Variants in GPAM observed in about 807,000 individuals in gnomAD.
The protein encoded by GPAM is glycerol-3-phosphate acyltransferase, mitochondrial.
A neutral mutation model predicts 105.0 loss-of-function variants in GPAM; 56 were observed. That is an observed-to-expected ratio of 0.53 (90% CI 0.43 to 0.67). GPAM has a LOEUF of 0.67. Among genes scored for constraint, GPAM ranks in the 30% least tolerant of loss-of-function variants. The pLI is 0.00. For missense variants in GPAM, 855 were observed against 989.8 expected (o/e 0.86, Z 1.83); for synonymous variants, 368 against 354.4 (o/e 1.04, Z -0.43).
intron 1 of GPAM, among the ~76,000 whole-genome samples, chr10:112,211,019 C>T (rs796222324): frequency 1.3e-4 from 20 of 152,312 alleles, no homozygotes; most frequent in African/African-American, 3.6e-4. Flanking sequence ...CCAGGCAGGA[C>T]GTGCAGGTGC....
chr10:112,160,162 T>C (rs1026936937), intron 16 of GPAM, 109 bp from the exon 17 acceptor site: 140 of 1,102,550 alleles, frequency 1.3e-4, no homozygotes, highest in Non-Finnish European at 1.8e-4. Flanking sequence ...AATAATGGCC[T>C]GTATTTGGAG....
the GPAM span, among the ~76,000 whole-genome samples, chr10:112,227,549 A>G: frequency 6.6e-6 from 1 of 152,182 alleles, no homozygotes; most frequent in East Asian, 1.9e-4. Flanking sequence ...AGCCAAGAAG[A>G]CGGCCCCTTG....
chr10:112,179,283 C>T (rs1847464005), intron 4 of GPAM, among the ~76,000 whole-genome samples: 1 of 152,126 alleles, frequency 6.6e-6, no homozygotes. Context: ...ATTACCACCA[C>T]CAAATTATTT....
At chr10:112,215,792 C>T (rs1271444089), upstream of GPAM, among the ~76,000 whole-genome samples, 1 of 152,176 alleles carries the variant, frequency 6.6e-6, no homozygotes, top group Non-Finnish European at 1.5e-5. Flanking sequence ...TATTTGACAC[C>T]AGATGTGCAG....
the GPAM span, among the ~76,000 whole-genome samples, chr10:112,226,440 T>C: frequency 1.3e-5 from 2 of 152,070 alleles, no homozygotes; most frequent in South Asian, 4.2e-4. Context: ...AGAAGAGACA[T>C]GGGCAAGGAT....
chr10:112,153,430 A>G lies in GPAM; in HGVS notation c.*120T>C. 1 of 1,594,746 alleles carries G rather than the reference A, an allele frequency of 6.3e-7. No individual in the cohort carries two copies. Among genetic ancestry groups the G allele is most frequent in the Non-Finnish European group, 8.5e-7 (1 of 1,174,828 alleles). ...GGAGAAGGCACTTGTCTTCCAGGAG[A>G]TCACTTCGGGACAGGGCAGGCCTGA... On this transcript the variant is annotated 3_prime_UTR_variant, in exon 22 of 22. Coordinates refer to ENST00000348367, the MANE Select transcript of GPAM (RefSeq NM_001244949.2).
chr10:112,155,879 T>C lies in GPAM; in HGVS notation c.2296A>G (p.Asn766Asp). The C allele has an allele frequency of 6.3e-7, 1 of 1,595,648 alleles. No individual in the cohort carries two copies. Among genetic ancestry groups the C allele is most frequent in the Non-Finnish European group, 8.6e-7 (1 of 1,163,596 alleles). ...CTTAACATACCATATACTGCAACATTTCTTTCTGTTCTGGTTATTAGGTAT... is the reference window on the plus strand; with the variant it reads ...CTTAACATACCATATACTGCAACATCTCTTTCTGTTCTGGTTATTAGGTAT... ...HKYLITRTER[N>D]VAVYAESATY... Residue 766 changes from asparagine (N) to aspartate (D), a missense_variant, in exon 20 of 22, where the codon AAT becomes GAT. Physicochemically the swap from Asn to Asp is conservative, Grantham distance 23. Coordinates refer to ENST00000348367, the MANE Select transcript of GPAM (RefSeq NM_001244949.2).
chr10:112,179,615 C>T (rs1323598693), intron 4 of GPAM, among the ~76,000 whole-genome samples: 1 of 152,140 alleles, frequency 6.6e-6, no homozygotes, highest in Non-Finnish European at 1.5e-5. Flanking sequence ...CCCTTTATAC[C>T]AGACTCAGAA....
chr10:112,161,525 G>A, intron 15 of GPAM, 142 bp downstream of exon 15: 2 of 697,666 alleles, frequency 2.9e-6, no homozygotes, highest in South Asian at 1.5e-5. Flanking sequence ...AGCTCCTTTG[G>A]GCAGGGTCCT....
upstream of GPAM, among the ~76,000 whole-genome samples, chr10:112,184,209 G>A (rs1049056171): frequency 3.3e-5 from 5 of 152,126 alleles, no homozygotes; most frequent in African/African-American, 1.2e-4. Flanking sequence ...CCTTTAAGGA[G>A]GAAAATGAGA....
At chr10:112,225,397 CTGAG>C in the GPAM span, among the ~76,000 whole-genome samples, 3 of 152,222 alleles carry the variant, frequency 2.0e-5, no homozygotes, top group African/African-American at 4.8e-5. Flanking sequence ...CTTCTGGGTA[CTGAG>C]TACCTAGTCT....
upstream of GPAM, among the ~76,000 whole-genome samples, chr10:112,219,254 G>T (rs541728186): frequency 1.3e-5 from 2 of 152,354 alleles, no homozygotes; most frequent in Admixed American, 1.3e-4. Context: ...AGGGGGTAAA[G>T]CTCTCCATGG....
intron 1 of GPAM, among the ~76,000 whole-genome samples, chr10:112,192,890 A>T (rs963231383): frequency 6.6e-6 from 1 of 152,200 alleles, no homozygotes; most frequent in African/African-American, 2.4e-5. Flanking sequence ...TTCAGGAGCT[A>T]TGTTGTATGC....
At chr10:112,220,853 TACACACAC>T in the GPAM span, among the ~76,000 whole-genome samples, 2 of 145,920 alleles carry the variant, frequency 1.4e-5, no homozygotes, top group Non-Finnish European at 1.5e-5. Context: ...AGATCTCAAA[TACACACAC>T]ACACACACAC....
In GPAM at chr10:112,158,643, T is replaced by A. The variant is rs113119165; in HGVS notation, c.1903-250A>T. On this transcript the variant is annotated intron_variant, in intron 17 of 21. Transcript: ENST00000348367. ...ACACTGCACCACCTGCAAGGGGTACTCCTGAGCTCAATTCTCTCCCCACAC... is the reference window on the plus strand; with the variant it reads ...ACACTGCACCACCTGCAAGGGGTACACCTGAGCTCAATTCTCTCCCCACAC... Among the ~76,000 whole-genome samples the A allele has an allele frequency of 3.5e-3, 530 of 152,236 alleles. 2 individuals are homozygous for A. Among genetic ancestry groups the A allele is most frequent in the African/African-American group, 0.012 (502 of 41,550 alleles).
intron 4 of GPAM, among the ~76,000 whole-genome samples, 186 bp downstream of exon 4, chr10:112,180,287 G>A (rs537335757): frequency 2.6e-5 from 4 of 152,192 alleles, no homozygotes; most frequent in African/African-American, 9.6e-5. Context: ...TCAATTATGG[G>A]ACCAATATTT....
intron 4 of GPAM, among the ~76,000 whole-genome samples, chr10:112,179,388 A>G (rs1847465707): frequency 6.6e-6 from 1 of 152,222 alleles, no homozygotes; most frequent in Admixed American, 6.5e-5. Context: ...AGAAAATGAC[A>G]TTCTGTTTAA....
At chr10:112,157,453 G>C in intron 18 of GPAM, 64 bp from the exon 19 acceptor site, 1 of 1,481,676 alleles carries the variant, frequency 6.7e-7, no homozygotes, top group Non-Finnish European at 9.4e-7. Flanking sequence ...CTGCCCAGTG[G>C]AGCCAGGACA....
In GPAM at chr10:112,160,797, G is replaced by A. The variant is rs748469909; in HGVS notation, c.1566C>T (p.Asp522=). ...MKEEVLARDF[D]LGFSGNSEDV... ...CTTCTGAATTTCCTGAGAACCCCAGGTCAAAATCACGAGCCAGGACTTCCT... is the reference window on the plus strand; with the variant it reads ...CTTCTGAATTTCCTGAGAACCCCAGATCAAAATCACGAGCCAGGACTTCCT... Residue 522 remains aspartate (D), a synonymous_variant, in exon 16 of 22, where the codon GAC becomes GAT. Transcript: ENST00000348367. 10 of 1,613,726 alleles carry A rather than the reference G, an allele frequency of 6.2e-6. No individual in the cohort carries two copies. The highest frequency in any genetic ancestry group is 2.2e-5 in the South Asian group (2 of 91,074).
Sources: allele counts gnomAD v4.1 joint callset (sites outside exome capture counted in the v4.1 genomes callset), GRCh38; gene constraint gnomAD v4.1.1; transcripts MANE v1.5; gene names NCBI Gene and HGNC (gene_info 2026-07-23, HGNC 2026-07-21).